Variants in PEX5L observed in about 807,000 individuals in gnomAD.
PEX5L encodes the protein peroxisomal biogenesis factor 5 like.
A neutral mutation model predicts 84.0 loss-of-function variants in PEX5L; 30 were observed. The ratio of observed to expected loss-of-function variants is 0.36; its 90% CI spans 0.27 to 0.48. The LOEUF (loss-of-function observed/expected upper bound fraction) is 0.48. Among genes scored for constraint, PEX5L ranks in the 20% least tolerant of loss-of-function variants. The pLI, the probability that PEX5L is intolerant of heterozygous loss-of-function variation, is 0.99. For synonymous variants in PEX5L, 270 were observed against 283.1 expected (o/e 0.95, Z 0.46); for missense variants, 533 against 754.6 (o/e 0.71, Z 3.44).
chr3:179,982,222 T>A (rs1198742496), intron 1 of PEX5L, among the ~76,000 whole-genome samples: 1 of 152,226 alleles, frequency 6.6e-6, no homozygotes, highest in Non-Finnish European at 1.5e-5. Context: ...GTTATCCGCT[T>A]ACTCAAAGTT....
At chr3:179,802,532 CAAAAA>C (rs369244711) in intron 14 of PEX5L, among the ~76,000 whole-genome samples, 9 of 73,890 alleles carry the variant, frequency 1.2e-4, no homozygotes, top group Admixed American at 7.8e-4. Context: ...GAGACTGTCT[CAAAAA>C]AAAAAAAAAA....
chr3:179,855,151 GAGA>G (rs531016322), intron 8 of PEX5L, among the ~76,000 whole-genome samples: 99 of 152,318 alleles, frequency 6.5e-4, no homozygotes, highest in Middle Eastern at 3.4e-3. Flanking sequence ...TAAGGGGACT[GAGA>G]AGAAGAAGAA....
chr3:179,953,579 A>G (rs1779690537), intron 2 of PEX5L, among the ~76,000 whole-genome samples: 1 of 152,166 alleles, frequency 6.6e-6, no homozygotes, highest in African/African-American at 2.4e-5. Flanking sequence ...ACATTAAAAG[A>G]TTTCATTTTG....
intron 4 of PEX5L, chr3:179,881,646 T>C (rs1440510856): frequency 6.6e-6 from 1 of 152,268 alleles, no homozygotes; most frequent in Non-Finnish European, 1.5e-5. Flanking sequence ...TTTGTTGTTG[T>C]TGTTGATGTT....
chr3:179,916,921 C>T (rs1483640048), intron 2 of PEX5L, among the ~76,000 whole-genome samples: 10 of 151,852 alleles, frequency 6.6e-5, no homozygotes, highest in South Asian at 2.1e-4. Flanking sequence ...CCACCCGCCT[C>T]GGCCTCCTAA....
chr3:179,829,870 G>A (rs560048605), intron 8 of PEX5L, among the ~76,000 whole-genome samples: 11 of 149,364 alleles, frequency 7.4e-5, no homozygotes, highest in South Asian at 6.4e-4. Context: ...TCCACCTCCC[G>A]GGTTCAGGCG....
chr3:179,898,299 A>G, intron 2 of PEX5L, 53 bp from the exon 3 acceptor site: 1 of 1,219,474 alleles, frequency 8.2e-7, no homozygotes, highest in South Asian at 1.4e-5. Flanking sequence ...TTAACTTATT[A>G]TTTATTACAA....
chr3:179,849,187 T>C (rs1036815823), intron 8 of PEX5L, among the ~76,000 whole-genome samples: 3 of 152,236 alleles, frequency 2.0e-5, no homozygotes, highest in Admixed American at 6.5e-5. Context: ...CTAAACTTTA[T>C]AACTTTTGTC....
intron 1 of PEX5L, among the ~76,000 whole-genome samples, chr3:180,006,726 T>C (rs1459868228): frequency 6.6e-6 from 1 of 151,716 alleles, no homozygotes; most frequent in Non-Finnish European, 1.5e-5. Flanking sequence ...CAAGAGAAAA[T>C]GAGGAAGAAG....
chr3:179,950,961 A>G (rs1778931754), intron 2 of PEX5L, among the ~76,000 whole-genome samples: 1 of 152,232 alleles, frequency 6.6e-6, no homozygotes, highest in South Asian at 2.1e-4. Context: ...ACCAGATTGC[A>G]CTGAAACAAT....
chr3:180,013,349 A>G (rs1189368802), intron 1 of PEX5L, among the ~76,000 whole-genome samples: 1 of 152,232 alleles, frequency 6.6e-6, no homozygotes, highest in African/African-American at 2.4e-5. Context: ...CAGTAAATCA[A>G]AATGATGGCA....
At chr3:179,976,896 G>GA (rs892219711) in intron 1 of PEX5L, among the ~76,000 whole-genome samples, 22 of 150,912 alleles carry the variant, frequency 1.5e-4, no homozygotes, top group Non-Finnish European at 2.5e-4. Context: ...GAAGGAACTA[G>GA]AAAAAAAAAG....
intron 14 of PEX5L, among the ~76,000 whole-genome samples, chr3:179,807,127 G>A (rs1413955497): frequency 1.3e-5 from 2 of 152,184 alleles, no homozygotes; most frequent in Non-Finnish European, 2.9e-5. Context: ...GGACGAGAAT[G>A]AGAAAGGCAT....
chr3:179,895,635 T>C (rs2108950958), intron 3 of PEX5L: 1 of 152,278 alleles, frequency 6.6e-6, no homozygotes, highest in African/African-American at 2.4e-5. Context: ...ATTTGTTTGG[T>C]GTAATATAGA....
chr3:179,899,905 C>T (rs1049606344), intron 2 of PEX5L, among the ~76,000 whole-genome samples: 1 of 152,060 alleles, frequency 6.6e-6, no homozygotes, highest in Non-Finnish European at 1.5e-5. Flanking sequence ...CATAGAATAA[C>T]TGACTTCTGG....
At chr3:179,921,833 C>T (rs1769532939) in intron 2 of PEX5L, 2 of 152,212 alleles carry the variant, frequency 1.3e-5, no homozygotes, top group Admixed American at 6.5e-5. Flanking sequence ...GATATATCCA[C>T]ACAGCTGGAT....
chr3:179,982,052 G>C (rs901560801), intron 1 of PEX5L, among the ~76,000 whole-genome samples: 1 of 152,178 alleles, frequency 6.6e-6, no homozygotes, highest in Non-Finnish European at 1.5e-5. Flanking sequence ...TTTAAAGTGT[G>C]TTTAAAGAAC....
At chr3:179,973,650 GAT>G in intron 1 of PEX5L, 1 of 985,270 alleles carries the variant, frequency 1.0e-6, no homozygotes, top group Non-Finnish European at 1.2e-6. Context: ...ACTGCTAACA[GAT>G]AGAATGTCAG....
In PEX5L at chr3:179,851,082, T is replaced by C. The variant is rs576586745; in HGVS notation, c.822+7980A>G. On this transcript the variant is annotated intron_variant, in intron 8 of 14. Transcript: ENST00000467460. ...TATATGGAAAGCACTTTTGAGTTTA[T>C]GTCACTGAAGCTGGGTTTAGCTGTT... Among the ~76,000 whole-genome samples, 9 of 152,376 alleles carry C rather than the reference T, an allele frequency of 5.9e-5. No individual in the cohort carries two copies. The South Asian group carries it at 1.2e-3, about 21-fold the overall frequency.
Sources: gnomAD v4.1 joint callset for allele counts (sites outside exome capture counted in the v4.1 genomes callset) on GRCh38, gnomAD v4.1.1 for gene constraint, MANE v1.5 for transcripts, NCBI Gene and HGNC (gene_info 2026-07-23, HGNC 2026-07-21) for gene names.